The following PDE4B variants were observed in gnomAD, a reference collection of about 807,000 sequenced individuals.
The protein encoded by PDE4B is phosphodiesterase 4B, also known as 3',5'-cyclic-AMP phosphodiesterase 4B.
A neutral mutation model predicts 82.2 loss-of-function variants in PDE4B; 20 were observed. The observed-to-expected ratio is 0.24, with a 90% CI of 0.17 to 0.35. The LOEUF (loss-of-function observed/expected upper bound fraction) is 0.35, where lower values mean the gene tolerates loss of function less well. PDE4B is among the 10% of genes least tolerant of loss of function. The pLI, the probability that PDE4B is intolerant of heterozygous loss-of-function variation, is 1.00. For synonymous variants in PDE4B, 320 were observed against 318.9 expected (o/e 1.00, Z -0.04); for missense variants, 655 against 907.2 (o/e 0.72, Z 3.57).
intron 6 of PDE4B, 128 bp downstream of exon 6, chr1:66,257,991 A>G: frequency 1.5e-6 from 1 of 652,446 alleles, no homozygotes; most frequent in Non-Finnish European, 2.7e-6. Context: ...TACACAATAA[A>G]ATTTGAAAAC....
Position 65,910,968 on chromosome 1 carries a change from T to C in PDE4B, c.-70-2277T>C, listed in dbSNP as rs535768081. Among the ~76,000 whole-genome samples the C allele has an allele frequency of 1.1e-4, 17 of 152,314 alleles. No homozygotes were observed. In the South Asian group the frequency reaches 3.5e-3, roughly 32 times the overall value. On this transcript the variant is annotated intron_variant, in intron 1 of 16. Coordinates refer to ENST00000341517, the MANE Select transcript of PDE4B (RefSeq NM_002600.4). ...TGTCTTATATAACATATATTGACTT[T>C]TTTCCCTAAATATAAAATAATGTAT...
intron 3 of PDE4B, among the ~76,000 whole-genome samples, chr1:65,957,537 C>T (rs1191640719): frequency 3.3e-5 from 5 of 152,054 alleles, no homozygotes; most frequent in African/African-American, 1.2e-4. Context: ...CTCCTGTACT[C>T]ATCATGTAAA....
At chr1:65,924,953 A>T (rs949541053) in intron 3 of PDE4B, among the ~76,000 whole-genome samples, 1 of 152,208 alleles carries the variant, frequency 6.6e-6, no homozygotes, top group Non-Finnish European at 1.5e-5. Context: ...TCACTTTTAT[A>T]TATTCTGTTC....
intron 3 of PDE4B, chr1:66,048,976 A>G (rs1024059356): frequency 1.1e-4 from 16 of 152,080 alleles, no homozygotes; most frequent in Middle Eastern, 6.8e-3. Context: ...GTCTTTAGTC[A>G]ATCTATCTAC....
intron 8 of PDE4B, among the ~76,000 whole-genome samples, chr1:66,339,193 G>A (rs1394266374): frequency 1.3e-5 from 2 of 152,168 alleles, no homozygotes. Context: ...GAAGTAACAT[G>A]TCCACTGTTT....
intron 3 of PDE4B, among the ~76,000 whole-genome samples, chr1:66,012,972 A>C (rs545456667): frequency 6.6e-6 from 1 of 152,244 alleles, no homozygotes; most frequent in East Asian, 1.9e-4. Context: ...CCAAGGATGT[A>C]GAAACTGAGG....
chr1:66,262,244 A>G (rs1394412681), intron 6 of PDE4B, among the ~76,000 whole-genome samples: 1 of 152,244 alleles, frequency 6.6e-6, no homozygotes, highest in Non-Finnish European at 1.5e-5. Flanking sequence ...GAATGAACCT[A>G]GCCAAATTTC....
At chr1:66,095,923 A>G (rs191891254) in intron 3 of PDE4B, among the ~76,000 whole-genome samples, 2 of 152,008 alleles carry the variant, frequency 1.3e-5, no homozygotes, top group Middle Eastern at 3.4e-3. Flanking sequence ...GTAAATGTTT[A>G]TGGGCTACAT....
intron 4 of PDE4B, among the ~76,000 whole-genome samples, chr1:66,253,242 A>T (rs1018365979): frequency 6.8e-6 from 1 of 147,348 alleles, no homozygotes; most frequent in Non-Finnish European, 1.5e-5. Flanking sequence ...GCTGTTAACC[A>T]CTATAGTATA....
intron 3 of PDE4B, among the ~76,000 whole-genome samples, chr1:65,945,530 C>T (rs539278100): frequency 1.3e-5 from 2 of 152,070 alleles, no homozygotes; most frequent in Admixed American, 6.6e-5. Context: ...AACTTGCCAC[C>T]GAATGGCAGG....
chr1:66,143,714 A>G (rs1272387437), intron 3 of PDE4B, among the ~76,000 whole-genome samples: 1 of 152,254 alleles, frequency 6.6e-6, no homozygotes, highest in Non-Finnish European at 1.5e-5. Flanking sequence ...CCATTGAGAC[A>G]TAAGCAGAAG....
chr1:66,199,770 T>A (rs1489477176), intron 3 of PDE4B, among the ~76,000 whole-genome samples: 1 of 152,204 alleles, frequency 6.6e-6, no homozygotes. Flanking sequence ...GTGATACTCC[T>A]ATTTGGTAAT....
rs575864400 is a variant in PDE4B at position 66,021,131 on chromosome 1, T to C, written c.281+102296T>C. Among the ~76,000 whole-genome samples the C allele has an allele frequency of 2.1e-3, 326 of 152,372 alleles. 1 individual carries two copies. The highest frequency in any genetic ancestry group is 7.6e-3 in the African/African-American group (315 of 41,592). On this transcript the variant is annotated intron_variant, in intron 3 of 16. Coordinates refer to ENST00000341517, the MANE Select transcript of PDE4B (RefSeq NM_002600.4). Reference sequence around the variant, plus strand: ...AATGTCTTCTTTTGAGAATTGTCTGTTTATATCCTTTGCCCACTTTTTGAT... The same window carrying C: ...AATGTCTTCTTTTGAGAATTGTCTGCTTATATCCTTTGCCCACTTTTTGAT...
chr1:66,185,266 A>G (rs1298539071), intron 3 of PDE4B, among the ~76,000 whole-genome samples: 3 of 152,076 alleles, frequency 2.0e-5, no homozygotes, highest in African/African-American at 4.8e-5. Context: ...TTGGTTCCAA[A>G]TCTTTGCTAT....
At chr1:66,234,857 C>T (rs1023017979) in intron 3 of PDE4B, among the ~76,000 whole-genome samples, 21 of 152,058 alleles carry the variant, frequency 1.4e-4, no homozygotes, top group Admixed American at 6.5e-4. Context: ...GAGCTAGAAA[C>T]GGAAGTCATT....
chr1:66,188,789 A>G (rs1647441426), intron 3 of PDE4B, among the ~76,000 whole-genome samples: 2 of 151,888 alleles, frequency 1.3e-5, no homozygotes, highest in African/African-American at 2.4e-5. Context: ...TGTTTATCCA[A>G]TTTGCCAGTC....
At chr1:65,865,708 C>A (rs1218468167) in intron 1 of PDE4B, among the ~76,000 whole-genome samples, 1 of 152,202 alleles carries the variant, frequency 6.6e-6, no homozygotes, top group Non-Finnish European at 1.5e-5. Context: ...CCGTGGGCTG[C>A]ACCCATTGCC....
chr1:66,082,659 T>C (rs1337681761), intron 3 of PDE4B, among the ~76,000 whole-genome samples: 1 of 149,352 alleles, frequency 6.7e-6, no homozygotes, highest in Non-Finnish European at 1.5e-5. Context: ...TATATATATA[T>C]ACAGTGCTTA....
chr1:66,224,358 G>A (rs532200230), intron 3 of PDE4B, among the ~76,000 whole-genome samples: 2 of 152,166 alleles, frequency 1.3e-5, no homozygotes, highest in South Asian at 2.1e-4. Flanking sequence ...GCAAAATTTC[G>A]GAGCTGGTCA....
Sources: gnomAD v4.1 joint callset for allele counts (sites outside exome capture counted in the v4.1 genomes callset) on GRCh38, gnomAD v4.1.1 for gene constraint, MANE v1.5 for transcripts, NCBI Gene and HGNC (gene_info 2026-07-23, HGNC 2026-07-21) for gene names.